The following SCAI variants were observed in gnomAD, a reference collection of about 807,000 sequenced individuals.
SCAI encodes suppressor of cancer cell invasion, also known as protein SCAI.
In SCAI, 24 loss-of-function variants were observed where a neutral mutation model predicts 92.2. The ratio of observed to expected loss-of-function variants is 0.26; its 90% confidence interval spans 0.19 to 0.37. The LOEUF is 0.37. Among genes scored for constraint, SCAI ranks in the 10% least tolerant of loss-of-function variants. SCAI has a pLI of 1.00. For synonymous variants in SCAI, 261 were observed against 258.6 expected, an observed-to-expected ratio of 1.01 and a Z score of -0.09; for missense variants, 450 against 736.2, an observed-to-expected ratio of 0.61 and a Z score of 4.50.
chr9:125,140,965 C>T (rs988433419), intron 2 of SCAI, among the ~76,000 whole-genome samples: 3 of 151,954 alleles, frequency 2.0e-5, no homozygotes, highest in Non-Finnish European at 2.9e-5. Context: ...TTTGTACTAA[C>T]TTGAAATCTA....
At chr9:125,016,387 C>CAATAAATA (rs77877356) in intron 9 of SCAI, among the ~76,000 whole-genome samples, 24,182 of 131,314 alleles carry the variant, frequency 0.18, 2,386 homozygotes, top group African/African-American at 0.22. Flanking sequence ...GACTCTGTCT[C>CAATAAATA]AATAAATAAA....
In SCAI at chr9:125,113,345, G is replaced by C. The variant is rs139852109; in HGVS notation, c.98+29288C>G. 2.4e-3 allele frequency among the ~76,000 whole-genome samples: 359 copies of C among 152,210 alleles called. 1 individual carries two copies. The highest frequency in any genetic ancestry group is 3.9e-3 in the Non-Finnish European group (262 of 68,010). ...TGAGAAAAACATCACACAAATCCCAGTTGAGACATTCTACAAAATATTTGA... is the reference window on the plus strand; with the variant it reads ...TGAGAAAAACATCACACAAATCCCACTTGAGACATTCTACAAAATATTTGA... On this transcript the variant is annotated intron_variant, in intron 2 of 17. Transcript: ENST00000336505.
chr9:125,117,337 A>G (rs2131242863), intron 2 of SCAI, among the ~76,000 whole-genome samples: 1 of 152,366 alleles, frequency 6.6e-6, no homozygotes, highest in Non-Finnish European at 1.5e-5. Context: ...TACCTCAATC[A>G]TTATAGAGGA....
rs561951279 is a variant in SCAI, at chr9:124,943,308, C to T, written c.*9499G>A. ...CTATGAATCCAAACAGTTTTGCTAA[C>T]GGGGCTGAGTTGATGGATTTTTTTC... On this transcript the variant is annotated 3_prime_UTR_variant, in exon 18 of 18. Coordinates refer to ENST00000336505, the MANE Select transcript of SCAI (RefSeq NM_001144877.3). 8.5e-5 allele frequency: 13 copies of T among 152,258 alleles called. 1 individual carries two copies. Among genetic ancestry groups the T allele is most frequent in the African/African-American group, 2.4e-4 (10 of 41,556 alleles). The allele number at this position is 152,258 out of a possible 1,614,324, so 9.4% of individuals were successfully genotyped here. A position where few individuals can be genotyped will look rare whatever the true frequency, so the allele number is the denominator to read the frequency against.
chr9:124,958,796 AC>A (rs1202377360), intron 17 of SCAI, among the ~76,000 whole-genome samples: 1 of 151,776 alleles, frequency 6.6e-6, no homozygotes, highest in African/African-American at 2.4e-5. Flanking sequence ...AATACCAGCT[AC>A]TCGGGAGGCT....
At position 124,963,147 on chromosome 9, in the gene SCAI, C is replaced by T. The variant is rs114368482; in HGVS notation, c.1674+8223G>A. 6.6e-3 allele frequency among the ~76,000 whole-genome samples: 969 copies of T among 147,298 alleles called. 14 individuals carry two copies. The highest frequency in any genetic ancestry group is 0.023 in the African/African-American group (905 of 39,902). ...AGTTAGCTAGAGAAAAGAATTTTTT[C>T]CCCCCCGAGACGGAGTTTTGCTTTT... On this transcript the variant is annotated intron_variant, in intron 17 of 17. Coordinates refer to ENST00000336505, the MANE Select transcript of SCAI (RefSeq NM_001144877.3).
Position 125,041,938 on chromosome 9 carries a change from T to C in SCAI, c.231-12199A>G, listed in dbSNP as rs182916474. Among the ~76,000 whole-genome samples, 20 of 152,258 alleles carry C rather than the reference T, an allele frequency of 1.3e-4. 1 individual carries two copies. The highest frequency in any genetic ancestry group is 4.3e-4 in the African/African-American group (18 of 41,584). ...AGAAGTTAATATACGAACCACTATA[T>C]GATCAGCATCTAAAATTAACTAAGG... On this transcript the variant is annotated intron_variant, in intron 3 of 17. Transcript: ENST00000336505.
intron 14 of SCAI, among the ~76,000 whole-genome samples, chr9:124,982,483 C>T (rs1831906409): frequency 1.3e-5 from 2 of 151,680 alleles, no homozygotes; most frequent in Non-Finnish European, 2.9e-5. Flanking sequence ...ACCAGCCTGG[C>T]CAACATGGTG....
At chr9:124,976,397 A>G (rs1052347452) in intron 14 of SCAI, among the ~76,000 whole-genome samples, 1 of 152,244 alleles carries the variant, frequency 6.6e-6, no homozygotes, top group Non-Finnish European at 1.5e-5. Context: ...GAAATAGTTT[A>G]CTGAGTGAAC....
At chr9:125,118,567 CAT>C (rs1203119007) in intron 2 of SCAI, among the ~76,000 whole-genome samples, 1 of 151,992 alleles carries the variant, frequency 6.6e-6, no homozygotes, top group African/African-American at 2.4e-5. Context: ...ATACAGTTCA[CAT>C]GTGTAGAATG....
At chr9:125,126,426 A>T (rs1034413240) in intron 2 of SCAI, among the ~76,000 whole-genome samples, 23 of 149,906 alleles carry the variant, frequency 1.5e-4, no homozygotes, top group East Asian at 6.6e-4. Flanking sequence ...TGTGTGTGAG[A>T]GAGAGAGAGA....
At chr9:124,995,048 G>A in intron 13 of SCAI, 33 bp from the exon 14 acceptor site, 3 of 1,482,554 alleles carry the variant, frequency 2.0e-6, no homozygotes, top group Non-Finnish European at 2.8e-6. Flanking sequence ...CTGTTAAACT[G>A]TGTCAGCCAC....
chr9:125,049,529 A>G (rs1290710307), intron 3 of SCAI, among the ~76,000 whole-genome samples: 1 of 152,250 alleles, frequency 6.6e-6, no homozygotes, highest in Non-Finnish European at 1.5e-5. Context: ...GAGCCATTAT[A>G]TGCGAAACAT....
rs1274201542 is a variant in SCAI, at chr9:124,947,346, T to G, written c.*5461A>C. The G allele has an allele frequency of 1.3e-5, 2 of 152,314 alleles. No individual in the cohort carries two copies. The highest frequency in any genetic ancestry group is 2.1e-4 in the South Asian group (1 of 4,826). 9.4% of individuals were successfully genotyped at this position (152,314 alleles called of 1,614,324 possible). A position where few individuals can be genotyped will look rare whatever the true frequency, so the allele number is the denominator to read the frequency against. The stretch of plus-strand genomic sequence containing the variant: ...AGGTTTTTCAGGTTATATCACTAAT[T>G]TATCATCAGTTTAAATAAAAATTTG... On this transcript the variant is annotated 3_prime_UTR_variant, in exon 18 of 18. Coordinates refer to ENST00000336505, the MANE Select transcript of SCAI (RefSeq NM_001144877.3).
chr9:125,087,571 CACGGCACTTTCAA>C (rs1834346753), intron 2 of SCAI, among the ~76,000 whole-genome samples: 1 of 152,172 alleles, frequency 6.6e-6, no homozygotes, highest in Admixed American at 6.6e-5. Context: ...CATTATTTTA[CACGGCACTTTCAA>C]ACAAATAAAG....
intron 13 of SCAI, among the ~76,000 whole-genome samples, chr9:124,997,305 G>T (rs1379074635): frequency 6.6e-6 from 1 of 152,114 alleles, no homozygotes; most frequent in African/African-American, 2.4e-5. Flanking sequence ...TTACTTTCAG[G>T]CAATGTGTAT....
chr9:125,093,314 T>C (rs1834478046), intron 2 of SCAI, among the ~76,000 whole-genome samples: 1 of 151,936 alleles, frequency 6.6e-6, no homozygotes, highest in African/African-American at 2.4e-5. Context: ...TGAGCCAAGA[T>C]CATGCCACTG....
chr9:125,108,562 C>A (rs1178962090), intron 2 of SCAI, among the ~76,000 whole-genome samples: 1 of 145,482 alleles, frequency 6.9e-6, no homozygotes, highest in African/African-American at 2.6e-5. Context: ...TGCCCAGCCG[C>A]CCCGTCTGAG....
intron 14 of SCAI, among the ~76,000 whole-genome samples, 167 bp downstream of exon 14, chr9:124,994,767 C>T (rs1832204157): frequency 6.6e-6 from 1 of 152,128 alleles, no homozygotes; most frequent in Non-Finnish European, 1.5e-5. Context: ...CTATTCATAG[C>T]ACCCGATCCT....
Sources: gnomAD v4.1 joint callset for allele counts (sites outside exome capture counted in the v4.1 genomes callset) on GRCh38, gnomAD v4.1.1 for gene constraint, MANE v1.5 for transcripts, NCBI Gene and HGNC (gene_info 2026-07-23, HGNC 2026-07-21) for gene names.